The following IP6K2 variants were observed in gnomAD, a reference collection of about 807,000 sequenced individuals.
IP6K2 encodes the protein ATP:1D-myo-inositol-hexakisphosphate phosphotransferase.
IP6K2 carries 9 observed loss-of-function variants against 43.3 expected under a neutral mutation model. The observed-to-expected ratio is 0.21, with a 90% confidence interval of 0.13 to 0.36. IP6K2 has a LOEUF of 0.36. Ranked by LOEUF, IP6K2 falls within the 10% of genes least tolerant of loss-of-function variation. The probability of loss-of-function intolerance (pLI) is 1.00; values close to 1 mark genes in which losing one functional copy is unlikely to be tolerated. For synonymous variants in IP6K2, 209 were observed against 202.4 expected, an observed-to-expected ratio of 1.03 and a Z score of -0.28; for missense variants, 332 against 538.4, an observed-to-expected ratio of 0.62 and a Z score of 3.79.
chr3:48,713,788 CA>C (rs397877320), intron 1 of IP6K2, among the ~76,000 whole-genome samples: 2,372 of 91,618 alleles, frequency 0.026, 15 homozygotes, highest in African/African-American at 0.034. Context: ...GACATTTTTT[CA>C]AAAAAAAAAA....
chr3:48,709,577 G>A (rs1234241679), intron 1 of IP6K2, among the ~76,000 whole-genome samples: 12 of 152,162 alleles, frequency 7.9e-5, no homozygotes, highest in East Asian at 3.9e-4. Flanking sequence ...GGTGGCTCAC[G>A]CCTGTAATCC....
intron 4 of IP6K2, among the ~76,000 whole-genome samples, chr3:48,690,657 C>T (rs1370642714): frequency 1.3e-5 from 2 of 151,946 alleles, no homozygotes; most frequent in Non-Finnish European, 2.9e-5. Flanking sequence ...GGCGTGGTAG[C>T]GGATGCCTGT....
At chr3:48,712,859 T>C (rs948744842) in intron 1 of IP6K2, among the ~76,000 whole-genome samples, 5 of 151,676 alleles carry the variant, frequency 3.3e-5, no homozygotes, top group African/African-American at 4.8e-5. Context: ...ACTACAAAAA[T>C]ACAATTACCC....
Position 48,695,701 on chromosome 3 carries a change from G to A in IP6K2, c.-130-280C>T, listed in dbSNP as rs73830477. The A allele has an allele frequency of 3.9e-3, 1,293 of 333,304 alleles. 14 individuals are homozygous for A. The highest frequency in any genetic ancestry group is 0.024 in the African/African-American group (1,134 of 47,364). The allele number at this position is 333,304 out of a possible 1,614,324, so 20.6% of individuals were successfully genotyped here. A position where few individuals can be genotyped will look rare whatever the true frequency, so the allele number is the denominator to read the frequency against. Reference sequence around the variant, plus strand: ...CGGTGTTAGAAAGCCACTGCCGCAGGCAAAACTGATGCCATGGTGAGGTGA... The same window carrying A: ...CGGTGTTAGAAAGCCACTGCCGCAGACAAAACTGATGCCATGGTGAGGTGA... On this transcript the variant is annotated intron_variant, in intron 1 of 5. Transcript: ENST00000328631. The surrounding 1 kb of genome is among the most constrained non-coding windows in gnomAD (Gnocchi z 4.6).
chr3:48,698,960 C>T (rs1361838316), intron 1 of IP6K2, among the ~76,000 whole-genome samples: 1 of 152,084 alleles, frequency 6.6e-6, no homozygotes, highest in Non-Finnish European at 1.5e-5. Context: ...GCAATGCTAA[C>T]AACAATGCAA....
chr3:48,693,633 G>T lies in IP6K2; in HGVS notation c.203-454C>A, dbSNP rs182291127. 4.7e-5 allele frequency: 53 copies of T among 1,133,142 alleles called. 1 individual carries two copies. The East Asian group carries it at 3.6e-3, about 77-fold the overall frequency. The allele number at this position is 1,133,142 out of a possible 1,614,324, so 70.2% of individuals were successfully genotyped here. A position where few individuals can be genotyped will look rare whatever the true frequency, so the allele number is the denominator to read the frequency against. The stretch of plus-strand genomic sequence containing the variant: ...GAACACAGGTTTGCCTGAGGGTTAA[G>T]AAGCATCCAAGAGTAAGGGAAGACT... On this transcript the variant is annotated intron_variant, in intron 2 of 5. Coordinates refer to ENST00000328631, the MANE Select transcript of IP6K2 (RefSeq NM_016291.4).
At chr3:48,712,110 T>C (rs6788650) in intron 1 of IP6K2, among the ~76,000 whole-genome samples, 96,691 of 151,908 alleles carry the variant, frequency 0.64, 31,664 homozygotes, top group East Asian at 0.96. Flanking sequence ...AAAAGGGATC[T>C]TTGCCAAATG....
At chr3:48,714,590 A>G (rs1183259582) in intron 1 of IP6K2, among the ~76,000 whole-genome samples, 2 of 152,110 alleles carry the variant, frequency 1.3e-5, no homozygotes, top group African/African-American at 4.8e-5. Flanking sequence ...ACGGGGTTTC[A>G]CCAGGTTGGC....
intron 1 of IP6K2, among the ~76,000 whole-genome samples, chr3:48,703,642 G>A (rs547342904): frequency 1.3e-5 from 2 of 151,622 alleles, no homozygotes; most frequent in East Asian, 3.9e-4. Flanking sequence ...GCGTGAACCC[G>A]GGAAGCAGAG....
At position 48,697,980 on chromosome 3, in the gene IP6K2, A is replaced by G. The variant is rs189740994; in HGVS notation, c.-130-2559T>C. Among the ~76,000 whole-genome samples the G allele has an allele frequency of 4.7e-4, 71 of 152,342 alleles. No individual in the cohort carries two copies. In the East Asian group the frequency reaches 0.011, roughly 24 times the overall value. Reference sequence around the variant, plus strand: ...TCAGTAAGTTTTCCCATATGCAAAGAGCAGAGAATCTAAACCTAAGGTTCT... The same window carrying G: ...TCAGTAAGTTTTCCCATATGCAAAGGGCAGAGAATCTAAACCTAAGGTTCT... On this transcript the variant is annotated intron_variant, in intron 1 of 5. Coordinates refer to ENST00000328631, the MANE Select transcript of IP6K2 (RefSeq NM_016291.4).
At chr3:48,694,671 C>T in intron 2 of IP6K2, 1 of 1,505,130 alleles carries the variant, frequency 6.6e-7, no homozygotes, top group Non-Finnish European at 8.8e-7. Context: ...TTCCATCTGA[C>T]TCAACGCTGC....
Position 48,695,259 on chromosome 3 carries a change from C to A in IP6K2, c.33G>T (p.Glu11Asp). 2 of 1,588,794 alleles carry A rather than the reference C, an allele frequency of 1.3e-6. No individual in the cohort carries two copies. The highest frequency in any genetic ancestry group is 1.1e-5 in the South Asian group (1 of 89,060). Residue 11 changes from glutamate to aspartate, a missense_variant, in exon 2 of 6, where the codon GAG becomes GAT. By Grantham distance (45) the Glu-to-Asp change is conservative (BLOSUM62 2). Coordinates refer to ENST00000328631, the MANE Select transcript of IP6K2 (RefSeq NM_016291.4). The surrounding 1 kb of genome is among the most constrained non-coding windows in gnomAD (Gnocchi z 4.6). MSPAFRAMDV[E>D]PRAKGVLLEP... ...CCAGAAGGACGCCTTTGGCGCGGGG[C>A]TCCACATCCATGGCCCTGAAGGCTG...
intron 1 of IP6K2, among the ~76,000 whole-genome samples, chr3:48,705,895 A>G (rs2079691417): frequency 1.2e-5 from 1 of 84,118 alleles, no homozygotes; most frequent in Non-Finnish European, 2.5e-5. Flanking sequence ...AAAAAATAAT[A>G]AAATAAAATA....
chr3:48,707,392 C>T (rs1348946125), intron 1 of IP6K2, among the ~76,000 whole-genome samples: 1 of 152,178 alleles, frequency 6.6e-6, no homozygotes, highest in Non-Finnish European at 1.5e-5. Context: ...AAGATGTATA[C>T]AAGGTGCTAG....
At chr3:48,712,498 C>T (rs1373553780) in intron 1 of IP6K2, among the ~76,000 whole-genome samples, 3 of 151,692 alleles carry the variant, frequency 2.0e-5, no homozygotes, top group Admixed American at 2.0e-4. Flanking sequence ...CGCCTGCCTT[C>T]ACCTCCCAAA....
intron 1 of IP6K2, chr3:48,708,323 G>T (rs923226564): frequency 6.6e-6 from 1 of 152,080 alleles, no homozygotes; most frequent in Middle Eastern, 3.4e-3. Flanking sequence ...GAATTATAAA[G>T]AATTTAAGCA....
At chr3:48,691,826 A>AT (rs1390434013) in intron 3 of IP6K2, among the ~76,000 whole-genome samples, 1 of 151,952 alleles carries the variant, frequency 6.6e-6, no homozygotes, top group Non-Finnish European at 1.5e-5. Flanking sequence ...AAATAAATAA[A>AT]TAAATAAATA....
intron 1 of IP6K2, among the ~76,000 whole-genome samples, chr3:48,703,137 A>C (rs2079255467): frequency 6.6e-6 from 1 of 152,246 alleles, no homozygotes; most frequent in Non-Finnish European, 1.5e-5. Flanking sequence ...CTGAACATTC[A>C]TCTGAGACCT....
chr3:48,711,928 A>G (rs1360891844), intron 1 of IP6K2, among the ~76,000 whole-genome samples: 3 of 152,114 alleles, frequency 2.0e-5, no homozygotes, highest in Admixed American at 6.5e-5. Flanking sequence ...AAGCACGCAA[A>G]CTGAACTTAC....
Sources: allele counts gnomAD v4.1 joint callset (sites outside exome capture counted in the v4.1 genomes callset), GRCh38; gene constraint gnomAD v4.1.1; non-coding constraint Gnocchi (gnomAD v3.1); transcripts MANE v1.5; gene names NCBI Gene and HGNC (gene_info 2026-07-23, HGNC 2026-07-21).